Variants in LARGE1 observed in about 807,000 individuals in gnomAD.
LARGE1 encodes the protein xylosyl- and glucuronyltransferase LARGE1.
A neutral mutation model predicts 87.6 loss-of-function variants in LARGE1; 43 were observed. The observed-to-expected ratio is 0.49, with a 90% CI of 0.38 to 0.63. The LOEUF is 0.63. Ranked by LOEUF, LARGE1 falls within the 30% of genes least tolerant of loss-of-function variation. The pLI, the probability that LARGE1 is intolerant of heterozygous loss-of-function variation, is 0.00. For missense variants in LARGE1, 802 were observed against 1,000.2 expected, an observed-to-expected ratio of 0.80 and a Z score of 2.67; for synonymous variants, 434 against 394.6, an observed-to-expected ratio of 1.10 and a Z score of -1.18.
intron 11 of LARGE1, among the ~76,000 whole-genome samples, chr22:33,311,620 CTAAG>C (rs1935600605): frequency 6.6e-6 from 1 of 152,164 alleles, no homozygotes. Context: ...CTCAAAAAGG[CTAAG>C]TAAGTCGTTC....
chr22:33,661,181 T>C (rs1474490264), intron 2 of LARGE1, among the ~76,000 whole-genome samples: 1 of 151,956 alleles, frequency 6.6e-6, no homozygotes, highest in Non-Finnish European at 1.5e-5. Context: ...ACTGTCATTC[T>C]GGTTGGCCAT....
chr22:33,510,140 G>C lies in LARGE1; in HGVS notation c.787+54708C>G, dbSNP rs549799586. ...AAGCAAGCAATGTACTGGGAGTTAGGGATGTAAACACAATAATAGTAACTA... is the reference window on the plus strand; with the variant it reads ...AAGCAAGCAATGTACTGGGAGTTAGCGATGTAAACACAATAATAGTAACTA... On this transcript the variant is annotated intron_variant, in intron 6 of 14. Coordinates refer to ENST00000397394, the MANE Select transcript of LARGE1 (RefSeq NM_133642.5). Among the ~76,000 whole-genome samples, 4 of 152,240 alleles carry C rather than the reference G, an allele frequency of 2.6e-5. No homozygotes were observed. The South Asian group carries it at 8.3e-4, about 32-fold the overall frequency.
chr22:33,887,310 C>G (rs1237219559), intron 1 of LARGE1, among the ~76,000 whole-genome samples: 1 of 152,184 alleles, frequency 6.6e-6, no homozygotes, highest in East Asian at 1.9e-4. Context: ...AGAGCTCCCT[C>G]GCCCCTTCTT....
Position 33,593,971 on chromosome 22 carries a change from T to C in LARGE1, c.615+10464A>G, listed in dbSNP as rs555460396. Among the ~76,000 whole-genome samples the C allele has an allele frequency of 4.6e-5, 7 of 152,336 alleles. No individual in the cohort carries two copies. In the East Asian group the frequency reaches 1.4e-3, roughly 29 times the overall value. On this transcript the variant is annotated intron_variant, in intron 5 of 14. Transcript: ENST00000397394. The stretch of plus-strand genomic sequence containing the variant: ...TCGCTGAGTAATCTGAACAAGTCTC[T>C]TTCCTAAGCTTCAGTTTCCTCGCCA...
At chr22:33,671,189 T>C (rs1249542559) in intron 2 of LARGE1, among the ~76,000 whole-genome samples, 1 of 151,606 alleles carries the variant, frequency 6.6e-6, no homozygotes, top group African/African-American at 2.4e-5. Flanking sequence ...TAAAAAAGAG[T>C]TGTCCTCTAA....
chr22:33,644,676 C>A (rs1257775385), intron 3 of LARGE1, among the ~76,000 whole-genome samples: 2 of 152,092 alleles, frequency 1.3e-5, no homozygotes, highest in African/African-American at 4.8e-5. Flanking sequence ...TCTTCTCAGC[C>A]CAAAACTCCT....
chr22:33,774,373 T>C (rs1001645247), intron 1 of LARGE1, among the ~76,000 whole-genome samples: 4 of 152,206 alleles, frequency 2.6e-5, no homozygotes, highest in Non-Finnish European at 4.4e-5. Flanking sequence ...CTTTCTTTTT[T>C]TGAGACGGAG....
chr22:33,797,460 A>C (rs2086021963), intron 1 of LARGE1, among the ~76,000 whole-genome samples: 1 of 152,226 alleles, frequency 6.6e-6, no homozygotes, highest in Admixed American at 6.5e-5. Context: ...CTACACAACC[A>C]GTACAATCAA....
chr22:33,536,470 TGAGGA>T (rs1427529091), intron 6 of LARGE1, among the ~76,000 whole-genome samples: 1 of 152,230 alleles, frequency 6.6e-6, no homozygotes, highest in African/African-American at 2.4e-5. Context: ...TGCTATGCAC[TGAGGA>T]GAGAGTGATA....
chr22:33,739,536 T>G (rs2083797423), intron 2 of LARGE1, among the ~76,000 whole-genome samples: 1 of 152,200 alleles, frequency 6.6e-6, no homozygotes, highest in South Asian at 2.1e-4. Context: ...ATTTTTCCCC[T>G]TCTCTCCCTC....
Position 33,588,534 on chromosome 22 carries a change from T to C in LARGE1, c.615+15901A>G, listed in dbSNP as rs541554036. Among the ~76,000 whole-genome samples the C allele has an allele frequency of 7.0e-4, 102 of 145,904 alleles. 1 individual carries two copies. Among genetic ancestry groups the C allele is most frequent in the Admixed American group, 1.9e-3 (28 of 14,764 alleles). ...GCGTGTGTGTGTGTGTGTGTGTGTG[T>C]GCGCACGCACGCATATAAAACTTAA... On this transcript the variant is annotated intron_variant, in intron 5 of 14. Coordinates refer to ENST00000397394, the MANE Select transcript of LARGE1 (RefSeq NM_133642.5).
At chr22:33,608,512 C>T (rs1474974636) in intron 4 of LARGE1, among the ~76,000 whole-genome samples, 2 of 152,168 alleles carry the variant, frequency 1.3e-5, no homozygotes, top group Admixed American at 6.5e-5. Flanking sequence ...CATTGTGATA[C>T]GTATTTAAAC....
chr22:33,130,811 C>G, the LARGE1 span, among the ~76,000 whole-genome samples: 2 of 151,766 alleles, frequency 1.3e-5, no homozygotes. Context: ...TTTGGGAGGC[C>G]GAGGCAGGCA....
In LARGE1 at chr22:33,683,414, T is replaced by C. The variant is rs566862371; in HGVS notation, c.107-32746A>G. ...GGCTTTCAGACTGGAACTATATCAT[T>C]GGCTCTCCTAGGTCTCCAGCTTTGC... On this transcript the variant is annotated intron_variant, in intron 2 of 14. Transcript: ENST00000397394. Among the ~76,000 whole-genome samples the C allele has an allele frequency of 5.2e-4, 79 of 152,332 alleles. 1 individual carries two copies. The South Asian group carries it at 0.016, about 31-fold the overall frequency.
At chr22:33,655,490 C>T (rs960565482) in intron 2 of LARGE1, among the ~76,000 whole-genome samples, 7 of 152,294 alleles carry the variant, frequency 4.6e-5, no homozygotes, top group South Asian at 4.1e-4. Flanking sequence ...AACTACACAT[C>T]GGCTCTCCTG....
chr22:33,855,092 T>A (rs1454443276), intron 1 of LARGE1, among the ~76,000 whole-genome samples: 3 of 152,096 alleles, frequency 2.0e-5, no homozygotes, highest in Non-Finnish European at 4.4e-5. Flanking sequence ...CTCAGCACTT[T>A]GGGAGGCCGA....
intron 7 of LARGE1, among the ~76,000 whole-genome samples, chr22:33,413,468 TA>T (rs1440383727): frequency 6.6e-6 from 1 of 151,880 alleles, no homozygotes; most frequent in Non-Finnish European, 1.5e-5. Flanking sequence ...TTTATTTTAT[TA>T]TTATTATTAT....
At chr22:33,821,958 T>TG (rs2086838823) in intron 1 of LARGE1, among the ~76,000 whole-genome samples, 1 of 151,446 alleles carries the variant, frequency 6.6e-6, no homozygotes, top group Non-Finnish European at 1.5e-5. Flanking sequence ...TTAGGTTTTT[T>TG]TTTTTTTTTT....
chr22:33,203,779 C>T (rs756141497), intron 11 of LARGE1, among the ~76,000 whole-genome samples: 18 of 152,210 alleles, frequency 1.2e-4, no homozygotes, highest in Non-Finnish European at 2.4e-4. Flanking sequence ...TGAAAGCCCA[C>T]GCCTCTCAGA....
Sources: allele counts gnomAD v4.1 joint callset (sites outside exome capture counted in the v4.1 genomes callset), GRCh38; gene constraint gnomAD v4.1.1; transcripts MANE v1.5; gene names NCBI Gene and HGNC (gene_info 2026-07-23, HGNC 2026-07-21).